TAF3: variants seen among roughly 807,000 people sequenced by gnomAD.
TAF3 encodes TATA-box binding protein associated factor 3.
Under a neutral mutation model 80.6 loss-of-function variants are expected in TAF3, and 7 were observed. That is an observed-to-expected ratio of 0.09 (90% CI 0.05 to 0.16). TAF3 has a LOEUF of 0.16. Among genes scored for constraint, TAF3 ranks in the 10% least tolerant of loss-of-function variants. The pLI is 1.00. For missense variants in TAF3, 921 were observed against 1,140.2 expected (o/e 0.81, Z 2.77); for synonymous variants, 444 against 446.1 (o/e 1.00, Z 0.06).
intron 2 of TAF3, among the ~76,000 whole-genome samples, chr10:7,934,106 G>T (rs1837894299): frequency 6.6e-6 from 1 of 152,190 alleles, no homozygotes; most frequent in Non-Finnish European, 1.5e-5. Context: ...CATGAATTCT[G>T]ACAACTCAAG....
intron 2 of TAF3, among the ~76,000 whole-genome samples, chr10:7,880,704 T>C (rs541939996): frequency 6.9e-6 from 1 of 145,908 alleles, no homozygotes; most frequent in Admixed American, 6.9e-5. Context: ...TCTAGGTGGA[T>C]TTTTTTTTAG....
intron 2 of TAF3, among the ~76,000 whole-genome samples, chr10:7,952,966 T>A (rs1342203103): frequency 3.3e-5 from 5 of 152,228 alleles, no homozygotes; most frequent in Non-Finnish European, 7.3e-5. Flanking sequence ...CTAGAAGATA[T>A]AATGATGAAG....
At position 7,915,519 on chromosome 10, in the gene TAF3, C is replaced by T. The variant is rs794555; in HGVS notation, c.410-48401C>T. On this transcript the variant is annotated intron_variant, in intron 2 of 6. Coordinates refer to ENST00000344293, the MANE Select transcript of TAF3 (RefSeq NM_031923.4). Reference sequence around the variant, plus strand: ...TTAGCCGGGCATGGTGGTGCGCGCCCGTAGTCCCAGCTACTTGGGAGGCTG... The same window carrying T: ...TTAGCCGGGCATGGTGGTGCGCGCCTGTAGTCCCAGCTACTTGGGAGGCTG... Among the ~76,000 whole-genome samples, 15 of 150,686 alleles carry T rather than the reference C, an allele frequency of 1.0e-4. No individual in the cohort carries two copies. In the South Asian group the frequency reaches 1.5e-3, roughly 15 times the overall value.
In TAF3 at chr10:7,965,078, AGAAGTT is replaced by A. The variant is rs1292305664; in HGVS notation, c.1572_1577del (p.Leu525_Lys526del). ...CTGCCTTCCTCCGTGGAGGTAAAGA[AGAAGTT>A]GAAAAAGGAACTAAAGACTAAAATG... On this transcript the variant is annotated inframe_deletion, in exon 3 of 7. Transcript: ENST00000344293. 1 of 1,614,142 alleles carries A rather than the reference AGAAGTT, an allele frequency of 6.2e-7. No individual in the cohort carries two copies. Among genetic ancestry groups the A allele is most frequent in the South Asian group, 1.1e-5 (1 of 91,088 alleles).
intron 4 of TAF3, among the ~76,000 whole-genome samples, chr10:8,000,604 A>G (rs1057081896): frequency 6.6e-6 from 1 of 151,934 alleles, no homozygotes; most frequent in Non-Finnish European, 1.5e-5. Flanking sequence ...CCGTCTCTAC[A>G]CACAAAAAAA....
At position 7,953,136 on chromosome 10, in the gene TAF3, C is replaced by T. The variant is rs933969749; in HGVS notation, c.410-10784C>T. The stretch of plus-strand genomic sequence containing the variant: ...CCTGGTAGTAATACCCCGTGTTCTA[C>T]ACTCACCTAATCCTCAACATTCCAT... On this transcript the variant is annotated intron_variant, in intron 2 of 6. Transcript: ENST00000344293. 5.3e-5 allele frequency among the ~76,000 whole-genome samples: 8 copies of T among 152,288 alleles called. No homozygotes were observed. The Middle Eastern group carries it at 0.014, about 259-fold the overall frequency.
In TAF3 at chr10:7,821,780, A is replaced by G. The variant is rs993250749; in HGVS notation, c.167-2538A>G. Among the ~76,000 whole-genome samples the G allele has an allele frequency of 2.0e-5, 3 of 152,228 alleles. No individual in the cohort carries two copies. In the East Asian group the frequency reaches 5.8e-4, roughly 29 times the overall value. ...ACAGGGAGTAAATGTAAAAGGGATAAGAGGAGAGATGGCTGTAGGCTATAG... is the reference window on the plus strand; with the variant it reads ...ACAGGGAGTAAATGTAAAAGGGATAGGAGGAGAGATGGCTGTAGGCTATAG... On this transcript the variant is annotated intron_variant, in intron 1 of 6. Coordinates refer to ENST00000344293, the MANE Select transcript of TAF3 (RefSeq NM_031923.4).
At chr10:7,969,011 A>G (rs1831598128) in intron 3 of TAF3, among the ~76,000 whole-genome samples, 1 of 152,188 alleles carries the variant, frequency 6.6e-6, no homozygotes, top group African/African-American at 2.4e-5. Flanking sequence ...TTAACTTTTT[A>G]TAAAACACAT....
intron 2 of TAF3, among the ~76,000 whole-genome samples, chr10:7,892,818 CTT>C (rs1020623158): frequency 1.1e-4 from 15 of 137,118 alleles, no homozygotes; most frequent in Admixed American, 1.5e-4. Flanking sequence ...TTTTCTTTTT[CTT>C]TTTTTTTTTT....
chr10:7,895,821 T>C (rs1270590158), intron 2 of TAF3, among the ~76,000 whole-genome samples: 1 of 151,982 alleles, frequency 6.6e-6, no homozygotes, highest in African/African-American at 2.4e-5. Flanking sequence ...AGTGAGAAAA[T>C]GTGCGCAGTT....
intron 4 of TAF3, among the ~76,000 whole-genome samples, chr10:8,001,702 TTTTG>T (rs1831944723): frequency 6.6e-6 from 1 of 152,160 alleles, no homozygotes; most frequent in Non-Finnish European, 1.5e-5. Flanking sequence ...ATTTTTATGG[TTTTG>T]TTTTCTTTTA....
intron 4 of TAF3, among the ~76,000 whole-genome samples, chr10:7,981,768 T>C (rs909992943): frequency 6.6e-6 from 1 of 152,210 alleles, no homozygotes; most frequent in Non-Finnish European, 1.5e-5. Context: ...TTCCTTTACA[T>C]GTCATTTACT....
chr10:8,008,812 A>T (rs1832022223), intron 4 of TAF3, among the ~76,000 whole-genome samples: 1 of 152,120 alleles, frequency 6.6e-6, no homozygotes. Context: ...TTGAAGTCAT[A>T]TTTCTGTGAA....
chr10:7,935,519 G>A (rs2131201105), intron 2 of TAF3, among the ~76,000 whole-genome samples: 1 of 152,186 alleles, frequency 6.6e-6, no homozygotes, highest in South Asian at 2.1e-4. Context: ...GGGAGGCGGA[G>A]CTTGCAGTGA....
intron 2 of TAF3, among the ~76,000 whole-genome samples, chr10:7,906,032 A>G (rs964500937): frequency 2.6e-5 from 4 of 152,222 alleles, no homozygotes; most frequent in African/African-American, 9.6e-5. Context: ...AATGTGCTTT[A>G]GTGTATTGTG....
chr10:7,850,829 C>T (rs1423898147), intron 2 of TAF3, among the ~76,000 whole-genome samples: 1 of 152,130 alleles, frequency 6.6e-6, no homozygotes, highest in African/African-American at 2.4e-5. Flanking sequence ...TTCGCCCAAA[C>T]ATCTAAGTTA....
chr10:7,822,549 C>T (rs535160805), intron 1 of TAF3, among the ~76,000 whole-genome samples: 2 of 152,148 alleles, frequency 1.3e-5, no homozygotes, highest in Non-Finnish European at 2.9e-5. Flanking sequence ...CTGCTTCCAC[C>T]ACAGCCCTCG....
At chr10:7,843,730 C>G (rs1461197608) in intron 2 of TAF3, among the ~76,000 whole-genome samples, 1 of 150,818 alleles carries the variant, frequency 6.6e-6, no homozygotes, top group Non-Finnish European at 1.5e-5. Context: ...GTCACACATA[C>G]AATTAACATG....
At chr10:7,932,090 GAAAAACT>G (rs572963210) in intron 2 of TAF3, among the ~76,000 whole-genome samples, 7 of 152,182 alleles carry the variant, frequency 4.6e-5, no homozygotes, top group African/African-American at 1.7e-4. Context: ...TTACTTCTTG[GAAAAACT>G]GAGTCTTAGA....
Sources: gnomAD v4.1 joint callset for allele counts (sites outside exome capture counted in the v4.1 genomes callset) on GRCh38, gnomAD v4.1.1 for gene constraint, MANE v1.5 for transcripts, NCBI Gene and HGNC (gene_info 2026-07-23, HGNC 2026-07-21) for gene names.